GID4: variants seen among roughly 807,000 people sequenced by gnomAD.
GID4 encodes GID complex subunit 4 homolog.
GID4 carries 7 observed loss-of-function variants against 32.4 expected under a neutral mutation model. The observed-to-expected ratio is 0.22, with a 90% CI of 0.12 to 0.41. GID4 has a LOEUF of 0.41. Among genes scored for constraint, GID4 ranks in the 10% least tolerant of loss-of-function variants. GID4 has a pLI of 1.00. For synonymous variants in GID4, 166 were observed against 170.0 expected (o/e 0.98, Z 0.18); for missense variants, 309 against 400.0 (o/e 0.77, Z 1.94).
intron 2 of GID4, among the ~76,000 whole-genome samples, chr17:18,053,506 G>A (rs555315942): frequency 3.3e-5 from 5 of 151,980 alleles, no homozygotes; most frequent in African/African-American, 7.2e-5. Flanking sequence ...CCAACTACTC[G>A]GGAGGCTGAG....
intron 1 of GID4, among the ~76,000 whole-genome samples, chr17:18,041,203 C>G (rs2044799916): frequency 6.6e-6 from 1 of 152,156 alleles, no homozygotes; most frequent in Non-Finnish European, 1.5e-5. Context: ...CTGCCTCCCC[C>G]CCGCCCCACC....
intron 5 of GID4, among the ~76,000 whole-genome samples, chr17:18,064,283 G>C (rs1183616630): frequency 6.6e-6 from 1 of 152,052 alleles, no homozygotes; most frequent in Non-Finnish European, 1.5e-5. Flanking sequence ...ATTCCTACCG[G>C]CATGTATGAG....
chr17:18,043,155 G>A (rs1435899120), intron 1 of GID4, among the ~76,000 whole-genome samples: 1 of 152,148 alleles, frequency 6.6e-6, no homozygotes, highest in Non-Finnish European at 1.5e-5. Flanking sequence ...TGCTAAACAC[G>A]TGCCCTGTTA....
intron 2 of GID4, among the ~76,000 whole-genome samples, chr17:18,051,511 A>G (rs2044909380): frequency 6.6e-6 from 1 of 151,346 alleles, no homozygotes. Flanking sequence ...ACCCGTCTCT[A>G]CTGAAAATAC....
intron 3 of GID4, chr17:18,057,064 A>C: frequency 6.5e-7 from 1 of 1,531,280 alleles, no homozygotes; most frequent in Non-Finnish European, 8.8e-7. Flanking sequence ...GATTTTCCTG[A>C]GTGGTATTTA....
intron 2 of GID4, among the ~76,000 whole-genome samples, chr17:18,052,686 A>C (rs2044923935): frequency 6.6e-6 from 1 of 152,176 alleles, no homozygotes; most frequent in Admixed American, 6.6e-5. Context: ...TTGTCTTATT[A>C]ATCTTTTTTA....
chr17:18,057,153 C>G (rs2044976842), intron 3 of GID4: 8 of 1,257,300 alleles, frequency 6.4e-6, no homozygotes, highest in African/African-American at 3.0e-5. Flanking sequence ...TATGTGACAC[C>G]AGGTGTGGTG....
chr17:18,039,421 T>G lies in GID4; in HGVS notation c.-44T>G. On this transcript the variant is annotated 5_prime_UTR_variant, in exon 1 of 6. Coordinates refer to ENST00000268719, the MANE Select transcript of GID4 (RefSeq NM_024052.5). The surrounding 1 kb of genome is among the most constrained non-coding windows in gnomAD (Gnocchi z 5.3). ...AAGGGGCGGGGTGTGTGTGTGTCTG[T>G]GTGTGTTTGTGTGTTGTGTGTCTGT... The G allele has an allele frequency of 2.7e-5, 33 of 1,222,324 alleles. No homozygotes were observed. Among genetic ancestry groups the G allele is most frequent in the Non-Finnish European group, 3.0e-5 (27 of 914,194 alleles). 75.7% of individuals were successfully genotyped at this position (1,222,324 alleles called of 1,614,324 possible). A position where few individuals can be genotyped will look rare whatever the true frequency, so the allele number is the denominator to read the frequency against.
chr17:18,059,922 A>T (rs909223536), intron 4 of GID4, among the ~76,000 whole-genome samples: 14 of 151,234 alleles, frequency 9.3e-5, no homozygotes, highest in African/African-American at 2.7e-4. Context: ...CATCTCTACT[A>T]AAAAATACAA....
At position 18,039,412 on chromosome 17, in the gene GID4, G is replaced by GTGTGTCTGTGTGTGTT; in HGVS notation, c.-47_-32dup. Reference sequence around the variant, plus strand: ...GCCAATCGGAAGGGGCGGGGTGTGTGTGTGTCTGTGTGTGTTTGTGTGTTG... The same window carrying GTGTGTCTGTGTGTGTT: ...GCCAATCGGAAGGGGCGGGGTGTGTGTGTGTCTGTGTGTGTTTGTGTCTGTGTGTGTTTGTGTGTTG... On this transcript the variant is annotated 5_prime_UTR_variant, in exon 1 of 6. Transcript: ENST00000268719. The surrounding 1 kb of genome is among the most constrained non-coding windows in gnomAD (Gnocchi z 5.3). 1 of 1,251,858 alleles carries GTGTGTCTGTGTGTGTT rather than the reference G, an allele frequency of 8.0e-7. No individual in the cohort carries two copies. Among genetic ancestry groups the GTGTGTCTGTGTGTGTT allele is most frequent in the Admixed American group, 3.0e-5 (1 of 33,466 alleles). The allele number at this position is 1,251,858 out of a possible 1,614,324, so 77.5% of individuals were successfully genotyped here. A position where few individuals can be genotyped will look rare whatever the true frequency, so the allele number is the denominator to read the frequency against.
At position 18,039,823 on chromosome 17, in the gene GID4, G is replaced by T. The variant is rs2044770537; in HGVS notation, c.359G>T (p.Ser120Ile). The stretch of plus-strand genomic sequence containing the variant: ...ACCCAGCAGCCCGGCGTGGCCACCA[G>T]CCTGCTCTACAGCGGCTCCAAGTTC... ...INTQQPGVAT[S>I]LLYSGSKFRG... The change falls in exon 1 of 6, where the codon AGC becomes ATC. Residue 120 changes from serine to isoleucine, a missense_variant. This residue lies in a region of GID4 where 193 missense variants were observed against 185.8 expected (regional missense o/e 1.04). Coordinates refer to ENST00000268719, the MANE Select transcript of GID4 (RefSeq NM_024052.5). The surrounding 1 kb of genome is among the most constrained non-coding windows in gnomAD (Gnocchi z 5.3). The T allele has an allele frequency of 1.3e-6, 2 of 1,575,280 alleles. No individual in the cohort carries two copies. The highest frequency in any genetic ancestry group is 1.7e-6 in the Non-Finnish European group (2 of 1,161,586).
At position 18,066,896 on chromosome 17, in the gene GID4, T is replaced by A. The variant is rs1260312441; in HGVS notation, c.*1653T>A. On this transcript the variant is annotated 3_prime_UTR_variant, in exon 6 of 6. Coordinates refer to ENST00000268719, the MANE Select transcript of GID4 (RefSeq NM_024052.5). ...TATCTAAAATCTGTTATCCCAGGAC[T>A]GTGTACAGAGGGGCAACCTACCCAT... The A allele has an allele frequency of 6.6e-6, 1 of 152,172 alleles. No homozygotes were observed. Among genetic ancestry groups the A allele is most frequent in the Admixed American group, 6.5e-5 (1 of 15,276 alleles). The allele number at this position is 152,172 out of a possible 1,614,324, so 9.4% of individuals were successfully genotyped here.
Position 18,066,321 on chromosome 17 carries a change from T to C in GID4, c.*1078T>C, listed in dbSNP as rs1454945765. On this transcript the variant is annotated 3_prime_UTR_variant, in exon 6 of 6. Transcript: ENST00000268719. ...CTCCTTTTGCTACTCAAAACAGCAATGCTTGGCGGCAGCCTTCCATGAGGC... is the reference window on the plus strand; with the variant it reads ...CTCCTTTTGCTACTCAAAACAGCAACGCTTGGCGGCAGCCTTCCATGAGGC... The C allele has an allele frequency of 6.6e-6, 1 of 152,578 alleles. No homozygotes were observed. The highest frequency in any genetic ancestry group is 2.4e-5 in the African/African-American group (1 of 41,444). 9.5% of individuals were successfully genotyped at this position (152,578 alleles called of 1,614,324 possible).
At chr17:18,046,672 A>G (rs1000874858) in intron 2 of GID4, among the ~76,000 whole-genome samples, 91 of 152,132 alleles carry the variant, frequency 6.0e-4, no homozygotes, top group African/African-American at 2.0e-3. Context: ...CTGTAATCCC[A>G]GCACTTTGGG....
At chr17:18,051,520 A>G (rs2044909429) in intron 2 of GID4, among the ~76,000 whole-genome samples, 1 of 151,890 alleles carries the variant, frequency 6.6e-6, no homozygotes. Flanking sequence ...TACTGAAAAT[A>G]CAAAAATTAG....
chr17:18,040,019 G>GCACCCGGCGCTTCCCA, intron 1 of GID4, 117 bp downstream of exon 1: 1 of 1,229,728 alleles, frequency 8.1e-7, no homozygotes, highest in East Asian at 3.3e-5. Flanking sequence ...GGGGCCTCCT[G>GCACCCGGCGCTTCCCA]CACCCGGCGC....
chr17:18,041,075 G>A (rs967949074), intron 1 of GID4, among the ~76,000 whole-genome samples: 1 of 151,912 alleles, frequency 6.6e-6, no homozygotes, highest in African/African-American at 2.4e-5. Context: ...CCTGACTAAG[G>A]ACCCCTTTCC....
chr17:18,057,784 CCA>C (rs1305742011), intron 3 of GID4, among the ~76,000 whole-genome samples: 1 of 151,688 alleles, frequency 6.6e-6, no homozygotes, highest in African/African-American at 2.4e-5. Flanking sequence ...ATTCAACCAG[CCA>C]CAGTTTGAAA....
chr17:18,065,055 T>C (rs2045048368), intron 5 of GID4, 125 bp from the exon 6 acceptor site: 2 of 701,794 alleles, frequency 2.8e-6, no homozygotes, highest in Admixed American at 4.8e-5. Context: ...AAATAGAAAA[T>C]GAATGTGCAT....
Sources: allele counts gnomAD v4.1 joint callset (sites outside exome capture counted in the v4.1 genomes callset), GRCh38; gene constraint gnomAD v4.1.1; regional missense constraint gnomAD v4.1.1; non-coding constraint Gnocchi (gnomAD v3.1); transcripts MANE v1.5; gene names NCBI Gene and HGNC (gene_info 2026-07-23, HGNC 2026-07-21).